The following USP48 variants were observed in gnomAD, a reference collection of about 807,000 sequenced individuals.
USP48 encodes the protein ubiquitin carboxyl-terminal hydrolase 48.
Under a neutral mutation model 150.7 loss-of-function variants are expected in USP48, and 43 were observed. That is an observed-to-expected ratio of 0.29 (90% confidence interval 0.22 to 0.37). USP48 has a LOEUF of 0.37. Ranked by LOEUF, USP48 falls within the 10% of genes least tolerant of loss-of-function variation. The pLI, the probability that USP48 is intolerant of heterozygous loss-of-function variation, is 1.00. For missense variants in USP48, 813 were observed against 1,249.6 expected (o/e 0.65, Z 5.27); for synonymous variants, 396 against 425.9 (o/e 0.93, Z 0.86).
chr1:21,740,403 C>T (rs1488675131), intron 8 of USP48, among the ~76,000 whole-genome samples: 2 of 152,200 alleles, frequency 1.3e-5, no homozygotes, highest in Non-Finnish European at 2.9e-5. Context: ...CTGCTCTCCA[C>T]AGGAAATGGT....
chr1:21,763,246 A>G (rs1385221413), intron 1 of USP48, among the ~76,000 whole-genome samples: 1 of 152,194 alleles, frequency 6.6e-6, no homozygotes. Context: ...GTATCACTGA[A>G]TACGTCTTCA....
At chr1:21,742,402 A>G (rs533877035) in intron 8 of USP48, among the ~76,000 whole-genome samples, 4 of 151,878 alleles carry the variant, frequency 2.6e-5, no homozygotes, top group African/African-American at 7.2e-5. Context: ...AAATTAGCCA[A>G]CCGTGGTGGT....
chr1:21,701,653 G>A, intron 21 of USP48, 51 bp from the exon 22 acceptor site: 1 of 1,527,858 alleles, frequency 6.5e-7, no homozygotes, highest in South Asian at 1.1e-5. Flanking sequence ...TAGGAAGGCA[G>A]GCTATGGAGG....
intron 24 of USP48, among the ~76,000 whole-genome samples, chr1:21,689,232 G>A (rs150377892): frequency 0.015 from 2,200 of 148,484 alleles, 23 homozygotes; most frequent in Middle Eastern, 0.028. Flanking sequence ...TTTTTTTGTG[G>A]GGGCAGCATT....
At position 21,752,989 on chromosome 1, in the gene USP48, T is replaced by C. The variant is rs779013494; in HGVS notation, c.540+3A>G. The C allele has an allele frequency of 6.3e-6, 10 of 1,588,008 alleles. No homozygotes were observed. The highest frequency in any genetic ancestry group is 1.9e-5 in the Admixed American group (1 of 51,284). Reference sequence around the variant, plus strand: ...TAAAAAAAAAAAAAAATTCAGTTCTTACCTGCTGTTGTCCAGTGTCCAGGC... The same window carrying C: ...TAAAAAAAAAAAAAAATTCAGTTCTCACCTGCTGTTGTCCAGTGTCCAGGC... On this transcript the variant is annotated splice_donor_region_variant and intron_variant, in intron 4 of 26. Coordinates refer to ENST00000308271, the MANE Select transcript of USP48 (RefSeq NM_032236.8).
chr1:21,701,668 G>A, intron 21 of USP48, 66 bp from the exon 22 acceptor site: 3 of 1,404,766 alleles, frequency 2.1e-6, no homozygotes, highest in Non-Finnish European at 3.0e-6. Context: ...TGGAGGATGT[G>A]GGGGCTGGGA....
rs1341234458 is a variant in USP48, at chr1:21,678,597, T to C, written c.*820A>G. The C allele has an allele frequency of 6.6e-6, 1 of 152,198 alleles. No homozygotes were observed. Among genetic ancestry groups the C allele is most frequent in the Non-Finnish European group, 1.5e-5 (1 of 68,026 alleles). 9.4% of individuals were successfully genotyped at this position (152,198 alleles called of 1,614,324 possible). Reference sequence around the variant, plus strand: ...ACTTCAGTCTGATTTACTCTTCTGATAGGTAGTCAGATTTTTTATTTTCAA... The same window carrying C: ...ACTTCAGTCTGATTTACTCTTCTGACAGGTAGTCAGATTTTTTATTTTCAA... On this transcript the variant is annotated 3_prime_UTR_variant, in exon 27 of 27. Coordinates refer to ENST00000308271, the MANE Select transcript of USP48 (RefSeq NM_032236.8).
chr1:21,774,217 A>AATAATG (rs2097890931), intron 1 of USP48, among the ~76,000 whole-genome samples: 1 of 149,008 alleles, frequency 6.7e-6, no homozygotes, highest in Non-Finnish European at 1.5e-5. Flanking sequence ...TAATAATAAT[A>AATAATG]ATAATAAGGC....
chr1:21,760,557 T>C (rs2097847386), intron 1 of USP48, among the ~76,000 whole-genome samples: 1 of 150,696 alleles, frequency 6.6e-6, no homozygotes, highest in Non-Finnish European at 1.5e-5. Flanking sequence ...CTACTAAAAA[T>C]ACAAAAATTC....
chr1:21,754,349 A>G (rs541686292), intron 3 of USP48, among the ~76,000 whole-genome samples: 9 of 152,312 alleles, frequency 5.9e-5, no homozygotes, highest in African/African-American at 2.2e-4. Flanking sequence ...GATCTCAAGC[A>G]CAGCAATTCA....
At chr1:21,762,499 C>G (rs192595380) in intron 1 of USP48, among the ~76,000 whole-genome samples, 1 of 152,294 alleles carries the variant, frequency 6.6e-6, no homozygotes, top group East Asian at 1.9e-4. Context: ...TCAATCCTTT[C>G]AACTCTGCTT....
intron 26 of USP48, 69 bp from the exon 27 acceptor site, chr1:21,679,508 C>A (rs1022385774): frequency 1.6e-5 from 26 of 1,578,546 alleles, no homozygotes; most frequent in Non-Finnish European, 1.9e-5. Context: ...ATTCCATTTA[C>A]CAAGAACACA....
At chr1:21,697,446 A>G (rs566376619) in intron 22 of USP48, among the ~76,000 whole-genome samples, 39 of 152,180 alleles carry the variant, frequency 2.6e-4, no homozygotes, top group Middle Eastern at 3.4e-3. Context: ...GGCGGATCAC[A>G]AGGTCAGGAG....
intron 1 of USP48, among the ~76,000 whole-genome samples, chr1:21,776,592 C>CAA (rs59309344): frequency 0.33 from 19,061 of 57,964 alleles, 5,343 homozygotes; most frequent in Non-Finnish European, 0.41. Flanking sequence ...TGTCTTGTCT[C>CAA]AAAAAAAAAA....
intron 23 of USP48, among the ~76,000 whole-genome samples, chr1:21,690,687 C>A (rs1173752936): frequency 6.6e-6 from 1 of 151,674 alleles, no homozygotes; most frequent in Non-Finnish European, 1.5e-5. Flanking sequence ...CCATGTCTGG[C>A]GGATTTTTTA....
chr1:21,760,238 A>G (rs2097846720), intron 1 of USP48, among the ~76,000 whole-genome samples: 1 of 152,238 alleles, frequency 6.6e-6, no homozygotes, highest in Non-Finnish European at 1.5e-5. Context: ...AAGAGACACA[A>G]CTGAATGTAA....
intron 1 of USP48, among the ~76,000 whole-genome samples, chr1:21,779,971 A>T (rs1051505966): frequency 6.6e-6 from 1 of 152,200 alleles, no homozygotes; most frequent in Non-Finnish European, 1.5e-5. Context: ...CACTGGTGGG[A>T]ATGTAAATCG....
intron 14 of USP48, among the ~76,000 whole-genome samples, chr1:21,716,011 T>G (rs1260185417): frequency 6.6e-6 from 1 of 152,220 alleles, no homozygotes; most frequent in African/African-American, 2.4e-5. Flanking sequence ...CACCCACAAG[T>G]TTAATGCCTT....
intron 22 of USP48, among the ~76,000 whole-genome samples, chr1:21,697,697 A>G (rs2097641002): frequency 6.6e-6 from 1 of 151,820 alleles, no homozygotes; most frequent in Non-Finnish European, 1.5e-5. Flanking sequence ...GAAAAGGTCA[A>G]ATTGAACCCA....
Sources: allele counts gnomAD v4.1 joint callset (sites outside exome capture counted in the v4.1 genomes callset), GRCh38; gene constraint gnomAD v4.1.1; transcripts MANE v1.5; gene names NCBI Gene and HGNC (gene_info 2026-07-23, HGNC 2026-07-21).